Variants in CARF observed in about 807,000 individuals in gnomAD.
CARF encodes calcium responsive transcription factor, also known as calcium-responsive transcription factor.
In CARF, 57 loss-of-function variants were observed where a neutral mutation model predicts 82.0. The ratio of observed to expected loss-of-function variants is 0.70; its 90% CI spans 0.56 to 0.87. The LOEUF (loss-of-function observed/expected upper bound fraction) is 0.87, where lower values mean the gene tolerates loss of function less well. Among genes scored for constraint, CARF ranks in the 40% least tolerant of loss-of-function variants. The probability of loss-of-function intolerance (pLI) is 0.00; values close to 1 mark genes in which losing one functional copy is unlikely to be tolerated. For synonymous variants in CARF, 268 were observed against 290.1 expected, an observed-to-expected ratio of 0.92 and a Z score of 0.77; for missense variants, 771 against 855.8, an observed-to-expected ratio of 0.90 and a Z score of 1.24.
chr2:202,916,012 A>G (rs1689568835), intron 1 of CARF, among the ~76,000 whole-genome samples: 1 of 152,116 alleles, frequency 6.6e-6, no homozygotes, highest in Non-Finnish European at 1.5e-5. Flanking sequence ...AAAATAAATT[A>G]TCCTATTAAA....
chr2:202,964,883 G>GTATATA (rs150006525), intron 9 of CARF, among the ~76,000 whole-genome samples: 4,908 of 144,848 alleles, frequency 0.034, 121 homozygotes, highest in Middle Eastern at 0.11. Context: ...ACATATATGT[G>GTATATA]TATATATATA....
At position 202,954,132 on chromosome 2, in the gene CARF, C is replaced by G. The variant is rs116945957; in HGVS notation, c.555C>G (p.Thr185=). 4.3e-6 allele frequency: 7 copies of G among 1,610,880 alleles called. No individual in the cohort carries two copies. The highest frequency in any genetic ancestry group is 5.1e-6 in the Non-Finnish European group (6 of 1,178,818). ...TCCCATTGCCCAAAAAGTCAGTGAC[C>G]GGGTGAGTCCACGGGAAAGAGAAGC... ...TSFPLPKKSV[T]GMLEEPLLGP... is the part of the protein sequence containing the mutation. Residue 185 remains threonine, a splice_region_variant and synonymous_variant, in exon 7 of 17, where the codon ACC becomes ACG. Transcript: ENST00000438828.
chr2:202,971,192 A>G (rs1305709979), intron 11 of CARF, among the ~76,000 whole-genome samples: 3 of 152,156 alleles, frequency 2.0e-5, no homozygotes, highest in Non-Finnish European at 4.4e-5. Flanking sequence ...TACAATTAAT[A>G]TGAAATTTAA....
chr2:202,951,836 CT>C (rs112347376), intron 5 of CARF, among the ~76,000 whole-genome samples: 188 of 142,270 alleles, frequency 1.3e-3, no homozygotes, highest in Admixed American at 1.8e-3. Flanking sequence ...ATCAAGTTAC[CT>C]TTTTTTTTTT....
intron 13 of CARF, among the ~76,000 whole-genome samples, chr2:202,976,643 C>T (rs1336441182): frequency 6.6e-6 from 1 of 151,968 alleles, no homozygotes; most frequent in African/African-American, 2.4e-5. Context: ...AACTTGTTAT[C>T]CAAATGCAGT....
intron 4 of CARF, 150 bp from the exon 5 acceptor site, chr2:202,942,590 A>C (rs1401834488): frequency 1.9e-6 from 2 of 1,027,952 alleles, no homozygotes; most frequent in Non-Finnish European, 2.6e-6. Flanking sequence ...TACTTAAGAA[A>C]TACTTTCTGT....
At position 202,916,699 on chromosome 2, in the gene CARF, A is replaced by T. The variant is rs75038063; in HGVS notation, c.-329-1178A>T. ...CAGAAGTCTGTGAAGGATACTCAAC[A>T]ACATGGTTGGATGTTAAGACCATTT... On this transcript the variant is annotated intron_variant, in intron 1 of 16. Transcript: ENST00000438828. Among the ~76,000 whole-genome samples, 818 of 152,312 alleles carry T rather than the reference A, an allele frequency of 5.4e-3. 10 individuals are homozygous for T. The highest frequency in any genetic ancestry group is 0.019 in the African/African-American group (772 of 41,564).
In CARF at chr2:202,985,423, T is replaced by A. The variant is rs1459596561; in HGVS notation, c.*1799T>A. The stretch of plus-strand genomic sequence containing the variant: ...ATTTTATTTAATATAAAGTTTATTA[T>A]TTATACCCTTTTTAATGCAAAGCTA... On this transcript the variant is annotated 3_prime_UTR_variant, in exon 17 of 17. Transcript: ENST00000438828. The A allele has an allele frequency of 6.6e-6, 1 of 152,042 alleles. No homozygotes were observed. The highest frequency in any genetic ancestry group is 2.4e-5 in the African/African-American group (1 of 41,434). 9.4% of individuals were successfully genotyped at this position (152,042 alleles called of 1,614,324 possible).
Position 202,961,370 on chromosome 2 carries a change from G to A in CARF, c.776G>A (p.Arg259His), listed in dbSNP as rs1487036595. ...CCAAGCCCAGCCAAGCCTGCTACACGCTTGATGTGGAAATCCCAGTATGTT... is the reference window on the plus strand; with the variant it reads ...CCAAGCCCAGCCAAGCCTGCTACACACTTGATGTGGAAATCCCAGTATGTT... ...QSPSPAKPAT[R>H]LMWKSQYVPY... The change falls in exon 9 of 17, where the codon CGC becomes CAC. Residue 259 changes from arginine (R) to histidine (H), a missense_variant. Physicochemically the swap from Arg to His is conservative, Grantham distance 29 (BLOSUM62 0). Transcript: ENST00000438828. The A allele has an allele frequency of 1.9e-6, 3 of 1,614,042 alleles. No individual in the cohort carries two copies. The highest frequency in any genetic ancestry group is 1.7e-5 in the Admixed American group (1 of 59,996).
At chr2:202,932,647 TGCAGCAGCA>T (rs374632298) in intron 3 of CARF, among the ~76,000 whole-genome samples, 1 of 151,536 alleles carries the variant, frequency 6.6e-6, no homozygotes, top group Non-Finnish European at 1.5e-5. Flanking sequence ...TGAGGCCAGT[TGCAGCAGCA>T]GCAGCAGCAG....
chr2:202,924,564 G>A (rs536538595), intron 3 of CARF, 149 bp downstream of exon 3: 15 of 152,068 alleles, frequency 9.9e-5, no homozygotes, highest in African/African-American at 3.4e-4. Flanking sequence ...GCTCCATCTC[G>A]AATCTGTCCA....
intron 5 of CARF, among the ~76,000 whole-genome samples, chr2:202,949,528 A>T (rs983905147): frequency 7.3e-6 from 1 of 137,826 alleles, no homozygotes; most frequent in Admixed American, 7.2e-5. Flanking sequence ...TATTATTATT[A>T]TTATTATTAT....
At chr2:202,955,023 A>G (rs1408616684) in intron 7 of CARF, among the ~76,000 whole-genome samples, 1 of 152,124 alleles carries the variant, frequency 6.6e-6, no homozygotes, top group African/African-American at 2.4e-5. Flanking sequence ...CGAAAAAAAA[A>G]AAAAATTCAT....
At chr2:202,943,983 C>T (rs1353577102) in intron 5 of CARF, among the ~76,000 whole-genome samples, 2 of 152,120 alleles carry the variant, frequency 1.3e-5, no homozygotes, top group East Asian at 1.9e-4. Flanking sequence ...TCTCACTGAC[C>T]TGCAAGCCAC....
intron 8 of CARF, 124 bp downstream of exon 8, chr2:202,955,882 T>A: frequency 1.8e-6 from 1 of 566,176 alleles, no homozygotes; most frequent in Non-Finnish European, 3.0e-6. Flanking sequence ...TGTGTTTATG[T>A]TAAATCTGAT....
intron 13 of CARF, among the ~76,000 whole-genome samples, chr2:202,976,076 C>T (rs1482214523): frequency 1.3e-5 from 2 of 152,090 alleles, no homozygotes; most frequent in Non-Finnish European, 2.9e-5. Context: ...TCTATCCATC[C>T]ATCCATCCAT....
In CARF at chr2:202,952,690, A is replaced by G. The variant is rs372839307; in HGVS notation, c.427+11A>G. 35 of 1,608,894 alleles carry G rather than the reference A, an allele frequency of 2.2e-5. No individual in the cohort carries two copies. The highest frequency in any genetic ancestry group is 2.9e-5 in the Non-Finnish European group (34 of 1,177,182). On this transcript the variant is annotated intron_variant, in intron 6 of 16. Transcript: ENST00000438828. ...TGAATAGTCCTCGGGGTGAGTAACAACGGGATATAGGGGATTTGAGAGTGT... is the reference window on the plus strand; with the variant it reads ...TGAATAGTCCTCGGGGTGAGTAACAGCGGGATATAGGGGATTTGAGAGTGT...
chr2:202,966,732 A>C (rs1039015225), intron 9 of CARF, among the ~76,000 whole-genome samples: 4 of 152,226 alleles, frequency 2.6e-5, no homozygotes, highest in Non-Finnish European at 5.9e-5. Context: ...ATTATATGCC[A>C]GTAGACACTC....
chr2:202,970,892 T>A (rs76098508), intron 11 of CARF, among the ~76,000 whole-genome samples: 2,564 of 151,562 alleles, frequency 0.017, 68 homozygotes, highest in East Asian at 0.09. Context: ...CTCCAAGAGA[T>A]CTGCATTCAC....
Sources: allele counts gnomAD v4.1 joint callset (sites outside exome capture counted in the v4.1 genomes callset), GRCh38; gene constraint gnomAD v4.1.1; transcripts MANE v1.5; gene names NCBI Gene and HGNC (gene_info 2026-07-23, HGNC 2026-07-21).